TBC1D1: variants seen among roughly 807,000 people sequenced by gnomAD.
TBC1D1 encodes the protein TBC1 domain family member 1, also known as TBC1 (tre-2/USP6, BUB2, cdc16) domain family, member 1.
A neutral mutation model predicts 125.6 loss-of-function variants in TBC1D1; 89 were observed. The ratio of observed to expected loss-of-function variants is 0.71; its 90% CI spans 0.60 to 0.85. The LOEUF is 0.85. TBC1D1 is among the 40% of genes least tolerant of loss of function. The probability of loss-of-function intolerance (pLI) is 0.00; values close to 1 mark genes in which losing one functional copy is unlikely to be tolerated. For missense variants in TBC1D1, 1,377 were observed against 1,469.2 expected (o/e 0.94, Z 1.03); for synonymous variants, 565 against 564.1 (o/e 1.00, Z -0.02).
chr4:37,939,781 T>C (rs1326950205), intron 2 of TBC1D1, among the ~76,000 whole-genome samples: 2 of 152,240 alleles, frequency 1.3e-5, no homozygotes, highest in East Asian at 3.8e-4. Context: ...AAATAGGGAA[T>C]CCTTTCCCCA....
At chr4:37,896,093 T>C (rs1335169118) in intron 1 of TBC1D1, among the ~76,000 whole-genome samples, 1 of 152,168 alleles carries the variant, frequency 6.6e-6, no homozygotes, top group East Asian at 1.9e-4. Flanking sequence ...GCAATATGAG[T>C]AGCTGCCTGG....
intron 2 of TBC1D1, among the ~76,000 whole-genome samples, chr4:38,013,005 G>A (rs1050061933): frequency 1.3e-5 from 2 of 151,992 alleles, no homozygotes; most frequent in Admixed American, 6.6e-5. Flanking sequence ...ATGTTGGCCA[G>A]GCTGGTCTCA....
At chr4:38,061,941 G>A (rs959051381) in intron 12 of TBC1D1, among the ~76,000 whole-genome samples, 9 of 151,328 alleles carry the variant, frequency 5.9e-5, no homozygotes, top group Non-Finnish European at 8.8e-5. Context: ...TAGTGGATAA[G>A]TGGAATAAAC....
At chr4:38,083,166 C>T (rs1468707417) in intron 12 of TBC1D1, among the ~76,000 whole-genome samples, 1 of 152,124 alleles carries the variant, frequency 6.6e-6, no homozygotes, top group Non-Finnish European at 1.5e-5. Flanking sequence ...GCTGTGCACT[C>T]CCTGCCTGCC....
intron 5 of TBC1D1, 37 bp downstream of exon 5, chr4:38,020,732 C>A: frequency 1.9e-6 from 3 of 1,563,684 alleles, no homozygotes; most frequent in Non-Finnish European, 2.6e-6. Context: ...TTGGAACCTT[C>A]TTTACAAGGA....
intron 2 of TBC1D1, among the ~76,000 whole-genome samples, chr4:37,919,908 C>T (rs1309576199): frequency 2.6e-5 from 4 of 151,936 alleles, no homozygotes; most frequent in Non-Finnish European, 5.9e-5. Context: ...GTCAGGAGAT[C>T]GAGACCATCC....
chr4:38,026,686 A>C (rs1461967952), intron 6 of TBC1D1, among the ~76,000 whole-genome samples: 1 of 152,136 alleles, frequency 6.6e-6, no homozygotes, highest in Non-Finnish European at 1.5e-5. Flanking sequence ...TTTCATTATC[A>C]ACCGTCTCAT....
chr4:38,069,993 A>G (rs950133895), intron 12 of TBC1D1, among the ~76,000 whole-genome samples: 1 of 152,124 alleles, frequency 6.6e-6, no homozygotes, highest in Non-Finnish European at 1.5e-5. Context: ...GTCCTAGGCC[A>G]TTATCTGGGC....
chr4:38,067,163 C>T (rs1291399430), intron 12 of TBC1D1, among the ~76,000 whole-genome samples: 1 of 152,192 alleles, frequency 6.6e-6, no homozygotes, highest in Admixed American at 6.5e-5. Context: ...GTGTGAGCCA[C>T]GCTCCCGGCC....
At chr4:37,935,428 G>C (rs1268365552) in intron 2 of TBC1D1, among the ~76,000 whole-genome samples, 1 of 152,124 alleles carries the variant, frequency 6.6e-6, no homozygotes, top group African/African-American at 2.4e-5. Flanking sequence ...TGACACCTGG[G>C]AGTCGTCTTT....
chr4:38,112,923 G>C (rs1263511075), intron 15 of TBC1D1, among the ~76,000 whole-genome samples: 1 of 152,172 alleles, frequency 6.6e-6, no homozygotes, highest in Admixed American at 6.5e-5. Context: ...CTTGTTGGAG[G>C]CTTGAGTGCA....
chr4:38,057,660 T>C (rs1219801749), intron 12 of TBC1D1, among the ~76,000 whole-genome samples: 1 of 152,258 alleles, frequency 6.6e-6, no homozygotes, highest in Admixed American at 6.5e-5. Context: ...AGAATTAATA[T>C]AATAATAGCC....
At chr4:37,940,021 C>T (rs1348340518) in intron 2 of TBC1D1, among the ~76,000 whole-genome samples, 2 of 152,118 alleles carry the variant, frequency 1.3e-5, no homozygotes, top group Admixed American at 6.5e-5. Context: ...TTTTTGGTTC[C>T]ATATGAACTT....
chr4:38,037,103 G>A (rs1195912647), intron 8 of TBC1D1, among the ~76,000 whole-genome samples: 1 of 152,002 alleles, frequency 6.6e-6, no homozygotes, highest in Non-Finnish European at 1.5e-5. Context: ...ATTTATAACT[G>A]CTAGAAAGGG....
rs912971459 is a variant in TBC1D1, at chr4:38,137,004, G to A, written c.3307-131G>A. On this transcript the variant is annotated intron_variant, in intron 19 of 19. Coordinates refer to ENST00000261439, the MANE Select transcript of TBC1D1 (RefSeq NM_015173.4). ...GCCTTCCTGTGTGGCCAGAACTGAT[G>A]ATAAACTGTAGACTCATCCCTGCTG... is the stretch of plus-strand genomic sequence containing the variant. 12 of 1,466,778 alleles carry A rather than the reference G, an allele frequency of 8.2e-6. No homozygotes were observed. In the African/African-American group the frequency reaches 1.7e-4, roughly 21 times the overall value. The allele number at this position is 1,466,778 out of a possible 1,614,324, so 90.9% of individuals were successfully genotyped here.
intron 2 of TBC1D1, among the ~76,000 whole-genome samples, chr4:37,917,201 T>G (rs977412497): frequency 4.0e-5 from 6 of 151,274 alleles, no homozygotes; most frequent in African/African-American, 1.2e-4. Context: ...GGGCCAGGCA[T>G]GGTGGCTCAA....
At chr4:37,922,287 A>C (rs1229730797) in intron 2 of TBC1D1, among the ~76,000 whole-genome samples, 1 of 152,196 alleles carries the variant, frequency 6.6e-6, no homozygotes, top group Non-Finnish European at 1.5e-5. Flanking sequence ...TGTGCCTTGT[A>C]ATTCAACCCG....
chr4:37,965,731 CATTTATTT>C (rs201957621), intron 2 of TBC1D1, among the ~76,000 whole-genome samples: 1 of 151,908 alleles, frequency 6.6e-6, no homozygotes, highest in Non-Finnish European at 1.5e-5. Context: ...CTGTCATGGA[CATTTATTT>C]ATTTATTTAT....
chr4:38,100,808 A>T (rs1760186650), intron 14 of TBC1D1, among the ~76,000 whole-genome samples: 1 of 152,248 alleles, frequency 6.6e-6, no homozygotes, highest in African/African-American at 2.4e-5. Flanking sequence ...ATCTGTTAAT[A>T]AAATGATTAC....
Sources: gnomAD v4.1 joint callset for allele counts (sites outside exome capture counted in the v4.1 genomes callset) on GRCh38, gnomAD v4.1.1 for gene constraint, MANE v1.5 for transcripts, NCBI Gene and HGNC (gene_info 2026-07-23, HGNC 2026-07-21) for gene names.